The following RAB3GAP2 variants were observed in gnomAD, a reference collection of about 807,000 sequenced individuals.
RAB3GAP2 encodes the protein RAB3 GTPase activating non-catalytic protein subunit 2, also known as rab3 GTPase-activating protein non-catalytic subunit.
RAB3GAP2 carries 87 observed loss-of-function variants against 185.3 expected under a neutral mutation model. The ratio of observed to expected loss-of-function variants is 0.47; its 90% CI spans 0.39 to 0.56. The LOEUF (loss-of-function observed/expected upper bound fraction) is 0.56, where lower values mean the gene tolerates loss of function less well. Ranked by LOEUF, RAB3GAP2 falls within the 20% of genes least tolerant of loss-of-function variation. The pLI is 0.00. For synonymous variants in RAB3GAP2, 554 were observed against 576.1 expected, an observed-to-expected ratio of 0.96 and a Z score of 0.55; for missense variants, 1,492 against 1,638.2, an observed-to-expected ratio of 0.91 and a Z score of 1.54.
chr1:220,225,781 G>T (rs1659391213), intron 2 of RAB3GAP2, among the ~76,000 whole-genome samples: 1 of 152,210 alleles, frequency 6.6e-6, no homozygotes, highest in African/African-American at 2.4e-5. Context: ...TCCTTATGGT[G>T]TAAGTGTTCT....
chr1:220,183,984 A>C lies in RAB3GAP2; in HGVS notation c.1998+52T>G, dbSNP rs1461618010. 37 of 1,366,764 alleles carry C rather than the reference A, an allele frequency of 2.7e-5. No homozygotes were observed. In the East Asian group the frequency reaches 7.9e-4, roughly 29 times the overall value. 84.7% of individuals were successfully genotyped at this position (1,366,764 alleles called of 1,614,324 possible). On this transcript the variant is annotated intron_variant, in intron 19 of 34. Coordinates refer to ENST00000358951, the MANE Select transcript of RAB3GAP2 (RefSeq NM_012414.4). ...TTCTTTACTACTAATTTTAAAAAGT[A>C]AAACTAATCAAAGAGATTATTTTAT...
At chr1:220,233,794 G>A (rs149274142) in intron 1 of RAB3GAP2, among the ~76,000 whole-genome samples, 10,181 of 151,996 alleles carry the variant, frequency 0.067, 470 homozygotes, top group South Asian at 0.12. Context: ...TCTGCCTCCC[G>A]CGTTCAAGCC....
chr1:220,256,785 C>G (rs1309983908), intron 1 of RAB3GAP2, among the ~76,000 whole-genome samples: 3 of 152,212 alleles, frequency 2.0e-5, no homozygotes, highest in African/African-American at 7.2e-5. Flanking sequence ...GAGACTTAGA[C>G]TCCCACACAA....
chr1:220,153,976 GTACAGA>G lies in RAB3GAP2; in HGVS notation c.3631_3636del (p.Ser1211_Val1212del). The G allele has an allele frequency of 3.1e-6, 5 of 1,612,842 alleles. No individual in the cohort carries two copies. Among genetic ancestry groups the G allele is most frequent in the Non-Finnish European group, 4.2e-6 (5 of 1,179,562 alleles). On this transcript the variant is annotated inframe_deletion, in exon 32 of 35. Coordinates refer to ENST00000358951, the MANE Select transcript of RAB3GAP2 (RefSeq NM_012414.4). ...CAATAGCTATAATTTACCTGTTGTC[GTACAGA>G]AATAAAATTTGGATCCATTTCCCCA...
chr1:220,155,422 A>G (rs1289199808), intron 31 of RAB3GAP2, among the ~76,000 whole-genome samples: 1 of 152,216 alleles, frequency 6.6e-6, no homozygotes, highest in East Asian at 1.9e-4. Context: ...GCAACCCATG[A>G]CATTTTGGAC....
chr1:220,210,859 G>A lies in RAB3GAP2; in HGVS notation c.452C>T (p.Pro151Leu), dbSNP rs556622755. Reference sequence around the variant, plus strand: ...ACCCACCACAATGCAGGTCCAGTCAGGACGCCCAGTGGAACTCCTGTTACA... The same window carrying A: ...ACCCACCACAATGCAGGTCCAGTCAAGACGCCCAGTGGAACTCCTGTTACA... ...ASQKRSSTGR[P>L]DWTCIVVGFT... Residue 151 changes from proline (P) to leucine (L), a missense_variant, in exon 6 of 35, where the codon CCT becomes CTT. Physicochemically the swap from Pro to Leu is moderately conservative, Grantham distance 98. Around this residue, in one of 5 missense-constraint regions of RAB3GAP2, gnomAD observed 243 missense variants for 314.8 expected, o/e 0.77. Transcript: ENST00000358951. The A allele has an allele frequency of 8.1e-6, 13 of 1,613,696 alleles. No homozygotes were observed. Among genetic ancestry groups the A allele is most frequent in the Non-Finnish European group, 1.1e-5 (13 of 1,179,882 alleles).
At chr1:220,241,951 G>A (rs1339846534) in intron 1 of RAB3GAP2, among the ~76,000 whole-genome samples, 3 of 151,866 alleles carry the variant, frequency 2.0e-5, no homozygotes, top group African/African-American at 7.3e-5. Context: ...GTAGGTAAAG[G>A]TATGCAAAAA....
At chr1:220,180,707 G>C (rs191596894) in intron 21 of RAB3GAP2, among the ~76,000 whole-genome samples, 5 of 152,300 alleles carry the variant, frequency 3.3e-5, no homozygotes, top group African/African-American at 1.2e-4. Context: ...TTGGAGAGGA[G>C]GGAATACTTC....
rs1393957223 is a variant in RAB3GAP2 at position 220,213,735 on chromosome 1, G to GT, written c.304+120_304+121insA. 7 of 907,162 alleles carry GT rather than the reference G, an allele frequency of 7.7e-6. No homozygotes were observed. The Admixed American group carries it at 1.2e-4, about 16-fold the overall frequency. 56.2% of individuals were successfully genotyped at this position (907,162 alleles called of 1,614,324 possible). A position where few individuals can be genotyped will look rare whatever the true frequency, so the allele number is the denominator to read the frequency against. ...AGGGAGGGGGCGGAGGAGGAGTTGG[G>GT]GGGGGGGGGAGAGAGAGAGAAATAA... On this transcript the variant is annotated intron_variant, in intron 3 of 34. Transcript: ENST00000358951.
At chr1:220,227,929 TTTAG>T (rs1295012752) in intron 2 of RAB3GAP2, among the ~76,000 whole-genome samples, 1 of 152,194 alleles carries the variant, frequency 6.6e-6, no homozygotes, top group Non-Finnish European at 1.5e-5. Flanking sequence ...TTTTTGTATT[TTTAG>T]TTAGAGACAG....
chr1:220,229,585 T>C (rs1659460980), intron 2 of RAB3GAP2, among the ~76,000 whole-genome samples: 1 of 152,152 alleles, frequency 6.6e-6, no homozygotes, highest in Non-Finnish European at 1.5e-5. Flanking sequence ...AGGGAAGAAT[T>C]AGTAGATATC....
At chr1:220,185,806 T>C in intron 17 of RAB3GAP2, 65 bp from the exon 18 acceptor site, 2 of 1,277,246 alleles carry the variant, frequency 1.6e-6, no homozygotes, top group Non-Finnish European at 2.3e-6. Context: ...TTAAATCTTA[T>C]ATTTATGCCC....
chr1:220,158,532 C>A lies in RAB3GAP2; in HGVS notation c.3262-656G>T, dbSNP rs1657901215. Among the ~76,000 whole-genome samples, 3 of 152,024 alleles carry A rather than the reference C, an allele frequency of 2.0e-5. No individual in the cohort carries two copies. The South Asian group carries it at 6.2e-4, about 32-fold the overall frequency. On this transcript the variant is annotated intron_variant, in intron 29 of 34. Transcript: ENST00000358951. The surrounding 1 kb of genome is among the most constrained non-coding windows in gnomAD (Gnocchi z 4.3). ...CTCGGCTCACTGCAACCTCCACCTC[C>A]CAGGTTCAAGCGATTATCCTGCCTC...
intron 4 of RAB3GAP2, among the ~76,000 whole-genome samples, chr1:220,212,320 G>T (rs999555789): frequency 2.6e-5 from 4 of 151,960 alleles, no homozygotes; most frequent in South Asian, 2.1e-4. Flanking sequence ...AATGTAAAAA[G>T]GATTTTACGA....
At chr1:220,271,044 T>C (rs755829288) in intron 1 of RAB3GAP2, 4 of 152,192 alleles carry the variant, frequency 2.6e-5, no homozygotes, top group Non-Finnish European at 4.4e-5. Context: ...ACTTCAAAGG[T>C]AGGCTTAAGT....
chr1:220,214,010 CA>C, intron 2 of RAB3GAP2, 31 bp from the exon 3 acceptor site: 1 of 1,608,824 alleles, frequency 6.2e-7, no homozygotes, highest in Non-Finnish European at 8.5e-7. Flanking sequence ...ACTGCATATG[CA>C]AAAATACCAA....
chr1:220,212,795 A>G, intron 4 of RAB3GAP2, 92 bp downstream of exon 4: 1 of 1,094,940 alleles, frequency 9.1e-7, no homozygotes, highest in Non-Finnish European at 1.4e-6. Context: ...ACCCAATCAA[A>G]TAATGAAACT....
At chr1:220,215,992 G>A (rs1659193991) in intron 2 of RAB3GAP2, among the ~76,000 whole-genome samples, 1 of 152,072 alleles carries the variant, frequency 6.6e-6, no homozygotes. Flanking sequence ...AAATGTTACA[G>A]TAGTATCATA....
At chr1:220,254,124 T>G in intron 1 of RAB3GAP2, 1 of 1,613,920 alleles carries the variant, frequency 6.2e-7, no homozygotes, top group Non-Finnish European at 8.5e-7. Context: ...TTTATCTTCC[T>G]GCCAAGAAGA....
Sources: allele counts gnomAD v4.1 joint callset (sites outside exome capture counted in the v4.1 genomes callset), GRCh38; gene constraint gnomAD v4.1.1; regional missense constraint gnomAD v4.1.1; non-coding constraint Gnocchi (gnomAD v3.1); transcripts MANE v1.5; gene names NCBI Gene and HGNC (gene_info 2026-07-23, HGNC 2026-07-21).